The following DCC variants were observed in gnomAD, a reference collection of about 807,000 sequenced individuals.
DCC encodes netrin receptor DCC.
DCC carries 58 observed loss-of-function variants against 172.5 expected under a neutral mutation model. The observed-to-expected ratio is 0.34, with a 90% CI of 0.27 to 0.42. DCC has a LOEUF of 0.42. Among genes scored for constraint, DCC ranks in the 10% least tolerant of loss-of-function variants. The pLI is 1.00. For missense variants in DCC, 1,740 were observed against 1,791.0 expected, an observed-to-expected ratio of 0.97 and a Z score of 0.51; for synonymous variants, 709 against 644.5, an observed-to-expected ratio of 1.10 and a Z score of -1.52.
intron 1 of DCC, among the ~76,000 whole-genome samples, chr18:52,396,210 T>A (rs1986221102): frequency 6.6e-6 from 1 of 151,950 alleles, no homozygotes. Context: ...TGCATGTTAT[T>A]TGGGCAATAA....
chr18:52,953,861 G>A (rs181635006), intron 5 of DCC, among the ~76,000 whole-genome samples: 12 of 152,336 alleles, frequency 7.9e-5, no homozygotes, highest in Non-Finnish European at 1.3e-4. Flanking sequence ...GAAAGATTGT[G>A]CTGTTATCTT....
chr18:52,443,005 A>ATT (rs112940815), intron 1 of DCC, among the ~76,000 whole-genome samples: 3,857 of 145,496 alleles, frequency 0.027, 128 homozygotes, highest in African/African-American at 0.078. Flanking sequence ...CTTTCTTTCT[A>ATT]TTTTTTTTTT....
chr18:53,090,698 C>CA lies in DCC; in HGVS notation c.1261+24568dup, dbSNP rs59898050. 1.3e-3 allele frequency among the ~76,000 whole-genome samples: 52 copies of CA among 39,360 alleles called. 5 individuals are homozygous for CA. Among genetic ancestry groups the CA allele is most frequent in the Admixed American group, 2.4e-3 (5 of 2,102 alleles). The allele number at this position is 39,360 out of a possible 152,430, so 25.8% of individuals were successfully genotyped here. A position where few individuals can be genotyped will look rare whatever the true frequency, so the allele number is the denominator to read the frequency against. On this transcript the variant is annotated intron_variant, in intron 7 of 28. Transcript: ENST00000442544. ...GACAGAGCGAAACTCCGTCCCCCAA[C>CA]AAAAAAAAAAAAAAAAAAAAAAAAA...
At chr18:53,017,224 C>T (rs535970834) in intron 5 of DCC, among the ~76,000 whole-genome samples, 8 of 152,050 alleles carry the variant, frequency 5.3e-5, no homozygotes, top group Middle Eastern at 3.4e-3. Flanking sequence ...TACAGGCGCC[C>T]GCCAAAGTTG....
At chr18:52,711,828 T>C (rs2036296938) in intron 1 of DCC, among the ~76,000 whole-genome samples, 1 of 152,224 alleles carries the variant, frequency 6.6e-6, no homozygotes, top group Non-Finnish European at 1.5e-5. Flanking sequence ...ATACCTGCTT[T>C]GCTAACAATG....
At chr18:53,511,145 G>A (rs1209527196) in intron 27 of DCC, among the ~76,000 whole-genome samples, 12 of 152,212 alleles carry the variant, frequency 7.9e-5, no homozygotes, top group Admixed American at 7.9e-4. Context: ...TGCAGTTTAT[G>A]TACCTGTAGG....
At chr18:52,507,748 T>G (rs903250820) in intron 1 of DCC, among the ~76,000 whole-genome samples, 2 of 152,216 alleles carry the variant, frequency 1.3e-5, no homozygotes, top group South Asian at 4.1e-4. Flanking sequence ...TCAGAGCATC[T>G]TTTGGTATCA....
chr18:53,082,856 C>T (rs1401988591), intron 7 of DCC, among the ~76,000 whole-genome samples: 2 of 151,958 alleles, frequency 1.3e-5, no homozygotes, highest in Non-Finnish European at 2.9e-5. Context: ...TAATATCTAT[C>T]TCCTATGTTC....
intron 1 of DCC, among the ~76,000 whole-genome samples, chr18:52,434,441 C>A (rs1987723738): frequency 6.6e-6 from 1 of 152,086 alleles, no homozygotes; most frequent in African/African-American, 2.4e-5. Flanking sequence ...CTTTGAGAAA[C>A]CCTGATTGAG....
chr18:53,149,023 C>T (rs938344244), intron 7 of DCC, among the ~76,000 whole-genome samples: 11 of 151,990 alleles, frequency 7.2e-5, no homozygotes, highest in African/African-American at 2.2e-4. Context: ...CCACCACACC[C>T]GGCTAGTTTT....
chr18:53,289,571 C>T (rs2056976915), intron 12 of DCC, among the ~76,000 whole-genome samples: 1 of 151,938 alleles, frequency 6.6e-6, no homozygotes. Context: ...CAGCACCATG[C>T]CTGGAGTGTA....
At chr18:53,432,059 A>G (rs1911651973) in intron 21 of DCC, among the ~76,000 whole-genome samples, 1 of 152,168 alleles carries the variant, frequency 6.6e-6, no homozygotes, top group Non-Finnish European at 1.5e-5. Context: ...ACTATGAAAC[A>G]TATAAAGTTA....
intron 22 of DCC, among the ~76,000 whole-genome samples, chr18:53,443,171 C>T (rs1431813168): frequency 6.6e-6 from 1 of 152,180 alleles, no homozygotes; most frequent in East Asian, 1.9e-4. Flanking sequence ...TTAGGACTTT[C>T]ATAGCTAGAG....
chr18:53,386,053 C>G lies in DCC; in HGVS notation c.2370C>G (p.Ser790=). ...YYSIERLESS[S]HYVISLKAFN... ...CTGTTTTTTCTCCAGAGTCAAGTTC[C>G]CATTATGTAATCTCCCTAAAAGCTT... is the stretch of plus-strand genomic sequence containing the variant. Residue 790 remains serine, a synonymous_variant, in exon 16 of 29, where the codon TCC becomes TCG. Transcript: ENST00000442544. 6.2e-7 allele frequency: 1 copy of G among 1,608,964 alleles called. No homozygotes were observed. The highest frequency in any genetic ancestry group is 8.5e-7 in the Non-Finnish European group (1 of 1,175,526).
chr18:52,803,263 G>T (rs2038027167), intron 2 of DCC, among the ~76,000 whole-genome samples: 1 of 152,126 alleles, frequency 6.6e-6, no homozygotes, highest in Admixed American at 6.5e-5. Flanking sequence ...CTTTTTCCAT[G>T]ATAAACAATT....
chr18:52,432,602 C>G (rs1188926764), intron 1 of DCC, among the ~76,000 whole-genome samples: 1 of 150,478 alleles, frequency 6.6e-6, no homozygotes, highest in Non-Finnish European at 1.5e-5. Context: ...AGCTCTTTAT[C>G]TCTCTCCTTT....
chr18:52,958,238 T>A (rs562831492), intron 5 of DCC, among the ~76,000 whole-genome samples: 18 of 152,250 alleles, frequency 1.2e-4, no homozygotes, highest in African/African-American at 4.3e-4. Flanking sequence ...CATCTTTTAG[T>A]TTTTTTATAA....
At chr18:53,494,749 C>CTTGATTCT (rs1274418427) in intron 26 of DCC, among the ~76,000 whole-genome samples, 1 of 152,164 alleles carries the variant, frequency 6.6e-6, no homozygotes, top group Non-Finnish European at 1.5e-5. Context: ...ACTGATGGGT[C>CTTGATTCT]TTGATTCTTT....
rs554339072 is a variant in DCC, at chr18:52,406,462, A to G, written c.91+65584A>G. Among the ~76,000 whole-genome samples, 22 of 152,228 alleles carry G rather than the reference A, an allele frequency of 1.4e-4. 1 individual carries two copies. The South Asian group carries it at 4.4e-3, about 30-fold the overall frequency. On this transcript the variant is annotated intron_variant, in intron 1 of 28. Transcript: ENST00000442544. ...AATATCCAGAATCTACAATGAACTC[A>G]AACAAATTTACAAGAAAAAGAATGG...
Sources: gnomAD v4.1 joint callset for allele counts (sites outside exome capture counted in the v4.1 genomes callset) on GRCh38, gnomAD v4.1.1 for gene constraint, MANE v1.5 for transcripts, NCBI Gene and HGNC (gene_info 2026-07-23, HGNC 2026-07-21) for gene names.